The following SASH1 variants were observed in gnomAD, a reference collection of about 807,000 sequenced individuals.
The protein encoded by SASH1 is SAM and SH3 domain-containing protein 1.
SASH1 carries 44 observed loss-of-function variants against 125.2 expected under a neutral mutation model. That is an observed-to-expected ratio of 0.35 (90% CI 0.28 to 0.45). The LOEUF (loss-of-function observed/expected upper bound fraction) is 0.45, where lower values mean the gene tolerates loss of function less well. SASH1 is among the 20% of genes least tolerant of loss of function. The pLI is 1.00. For synonymous variants in SASH1, 639 were observed against 649.1 expected, an observed-to-expected ratio of 0.98 and a Z score of 0.24; for missense variants, 1,426 against 1,614.5, an observed-to-expected ratio of 0.88 and a Z score of 2.00.
intron 1 of SASH1, among the ~76,000 whole-genome samples, chr6:148,368,770 G>GCACACA (rs377455429): frequency 0.13 from 17,595 of 135,790 alleles, 1,213 homozygotes; most frequent in Non-Finnish European, 0.16. Context: ...GCACGCGCGC[G>GCACACA]CACACACACA....
At position 148,448,115 on chromosome 6, in the gene SASH1, A is replaced by AGAGTGTGTGTGTGTGTGTGT. The variant is rs374141600; in HGVS notation, c.386+7709_386+7710insAGTGTGTGTGTGTGTGTGTG. Among the ~76,000 whole-genome samples, 503 of 146,914 alleles carry AGAGTGTGTGTGTGTGTGTGT rather than the reference A, an allele frequency of 3.4e-3. 6 individuals carry two copies. Among genetic ancestry groups the AGAGTGTGTGTGTGTGTGTGT allele is most frequent in the African/African-American group, 0.011 (442 of 38,510 alleles). On this transcript the variant is annotated intron_variant, in intron 4 of 19. Transcript: ENST00000367467. ...CTCCTGCTTCTATTGCAGTGGAGAG[A>AGAGTGTGTGTGTGTGTGTGT]GTGTGTGTGTGTGTGTGTGTGTGTA...
chr6:148,531,243 A>AT (rs1420239301), intron 12 of SASH1, among the ~76,000 whole-genome samples: 1 of 151,744 alleles, frequency 6.6e-6, no homozygotes, highest in Non-Finnish European at 1.5e-5. Flanking sequence ...ACCTTTAAGT[A>AT]TTTTGTCTGT....
chr6:148,461,681 C>CTGGATGAAGAA, intron 4 of SASH1, among the ~76,000 whole-genome samples: 1 of 152,288 alleles, frequency 6.6e-6, no homozygotes, highest in East Asian at 1.9e-4. Context: ...AGTCCTGGCC[C>CTGGATGAAGAA]TGTGGCTGGA....
intron 19 of SASH1, 27 bp downstream of exon 19, chr6:148,546,173 C>T: frequency 6.2e-7 from 1 of 1,609,520 alleles, no homozygotes; most frequent in Non-Finnish European, 8.5e-7. Flanking sequence ...TCTCCAGCTT[C>T]CTGAGGCACA....
intron 10 of SASH1, 57 bp from the exon 11 acceptor site, chr6:148,525,234 A>T: frequency 7.5e-7 from 1 of 1,326,050 alleles, no homozygotes; most frequent in Non-Finnish European, 1.1e-6. Context: ...GGGTTGGTGC[A>T]CTGCCGGCTG....
the SASH1 span, among the ~76,000 whole-genome samples, chr6:148,203,698 T>C: frequency 5.3e-5 from 8 of 152,350 alleles, no homozygotes; most frequent in African/African-American, 1.7e-4. Flanking sequence ...TAGCAGCTGC[T>C]GCAGAGCACG....
the SASH1 span, among the ~76,000 whole-genome samples, chr6:148,264,663 T>C: frequency 6.6e-6 from 1 of 152,224 alleles, no homozygotes; most frequent in Non-Finnish European, 1.5e-5. Context: ...ATCAACCTTT[T>C]TTCTCCCACC....
intron 2 of SASH1, among the ~76,000 whole-genome samples, chr6:148,407,864 C>T (rs1450435121): frequency 1.3e-5 from 2 of 152,040 alleles, no homozygotes; most frequent in African/African-American, 4.8e-5. Context: ...AACTCCTGAC[C>T]TTAGGTGATC....
chr6:148,336,971 T>G (rs1178679523), intron 1 of SASH1, among the ~76,000 whole-genome samples: 1 of 152,226 alleles, frequency 6.6e-6, no homozygotes, highest in Non-Finnish European at 1.5e-5. Flanking sequence ...ATGACCTAAA[T>G]AGGCTGTACC....
chr6:148,381,617 C>CTTTTTTTTTTTT lies in SASH1; in HGVS notation c.157-8502_157-8491dup, dbSNP rs201145545. ...ACTCCATCAGTGCCTTTCTTGCTTT[C>CTTTTTTTTTTTT]TTTTTTTTTTTTTTTTTTTTTTTTT... On this transcript the variant is annotated intron_variant, in intron 1 of 19. Transcript: ENST00000367467. 2.7e-3 allele frequency among the ~76,000 whole-genome samples: 210 copies of CTTTTTTTTTTTT among 77,868 alleles called. 32 individuals are homozygous for CTTTTTTTTTTTT. The highest frequency in any genetic ancestry group is 0.023 in the Middle Eastern group (2 of 88). 51.1% of individuals were successfully genotyped at this position (77,868 alleles called of 152,430 possible). A position where few individuals can be genotyped will look rare whatever the true frequency, so the allele number is the denominator to read the frequency against.
chr6:148,534,702 T>C (rs1013183270), intron 15 of SASH1, 49 bp from the exon 16 acceptor site: 18 of 1,602,506 alleles, frequency 1.1e-5, no homozygotes, highest in Non-Finnish European at 1.5e-5. Context: ...GGTGTTATCA[T>C]GTGTCTGGGC....
chr6:148,247,125 C>G, the SASH1 span, among the ~76,000 whole-genome samples: 1 of 152,126 alleles, frequency 6.6e-6, no homozygotes, highest in Non-Finnish European at 1.5e-5. Context: ...GACTTAGAAA[C>G]CTTGGCATAG....
the SASH1 span, among the ~76,000 whole-genome samples, chr6:148,247,513 G>A: frequency 2.0e-4 from 30 of 152,248 alleles, no homozygotes; most frequent in Non-Finnish European, 3.2e-4. Context: ...GGCCACAGCC[G>A]GAGTTGGCCC....
chr6:148,273,408 CT>C (rs1779111693), intron 1 of SASH1, among the ~76,000 whole-genome samples: 1 of 151,050 alleles, frequency 6.6e-6, no homozygotes, highest in Non-Finnish European at 1.5e-5. Context: ...ATTCTCCTGC[CT>C]TGGCCTCCTG....
At chr6:148,319,408 C>A (rs892779311) in intron 1 of SASH1, among the ~76,000 whole-genome samples, 14 of 152,090 alleles carry the variant, frequency 9.2e-5, no homozygotes, top group African/African-American at 3.4e-4. Flanking sequence ...GTAGTCCTCC[C>A]TTATTCATGG....
the SASH1 span, among the ~76,000 whole-genome samples, chr6:148,212,031 A>AAG: frequency 6.6e-6 from 1 of 152,190 alleles, no homozygotes; most frequent in Non-Finnish European, 1.5e-5. Context: ...GCTTCAGGAA[A>AAG]AGAGTGTTCT....
Position 148,293,802 on chromosome 6 carries a change from T to C in SASH1, n.74+21425T>C, listed in dbSNP as rs556150451. ...CCAGATTCTGTCTAGGATGCTGTTATAGTCCTTACCTTAGAACAACTATGC... is the reference window on the plus strand; with the variant it reads ...CCAGATTCTGTCTAGGATGCTGTTACAGTCCTTACCTTAGAACAACTATGC... On this transcript the variant is annotated intron_variant and non_coding_transcript_variant, in intron 1 of 3. Coordinates refer to the SASH1 transcript ENST00000367469. Among the ~76,000 whole-genome samples, 3 of 152,348 alleles carry C rather than the reference T, an allele frequency of 2.0e-5. No individual in the cohort carries two copies. In the South Asian group the frequency reaches 6.2e-4, roughly 32 times the overall value.
At chr6:148,265,603 AC>A in the SASH1 span, among the ~76,000 whole-genome samples, 1 of 152,146 alleles carries the variant, frequency 6.6e-6, no homozygotes, top group Non-Finnish European at 1.5e-5. Context: ...CGTTTTGCAA[AC>A]CTTAGAAAAG....
intron 2 of SASH1, among the ~76,000 whole-genome samples, chr6:148,425,994 A>T (rs910210004): frequency 6.6e-6 from 1 of 152,042 alleles, no homozygotes; most frequent in Non-Finnish European, 1.5e-5. Context: ...AGATCACCTG[A>T]GGTCAGGAGT....
Sources: gnomAD v4.1 joint callset for allele counts (sites outside exome capture counted in the v4.1 genomes callset) on GRCh38, gnomAD v4.1.1 for gene constraint, MANE v1.5 for transcripts, NCBI Gene and HGNC (gene_info 2026-07-23, HGNC 2026-07-21) for gene names.